The following MTHFD2L variants were observed in gnomAD, a reference collection of about 807,000 sequenced individuals.
MTHFD2L encodes the protein bifunctional methylenetetrahydrofolate dehydrogenase/cyclohydrolase 2, mitochondrial.
MTHFD2L carries 29 observed loss-of-function variants against 34.9 expected under a neutral mutation model. The observed-to-expected ratio is 0.83, with a 90% CI of 0.62 to 1.13. MTHFD2L has a LOEUF of 1.13. Among genes scored for constraint, MTHFD2L ranks in the 50% most tolerant of loss-of-function variants. MTHFD2L has a pLI of 0.00. For synonymous variants in MTHFD2L, 167 were observed against 155.7 expected (o/e 1.07, Z -0.54); for missense variants, 481 against 446.5 (o/e 1.08, Z -0.70).
chr4:74,247,963 C>T (rs1180834790), intron 6 of MTHFD2L, among the ~76,000 whole-genome samples: 2 of 151,974 alleles, frequency 1.3e-5, no homozygotes, highest in Non-Finnish European at 2.9e-5. Context: ...TGTCTCTGCC[C>T]GGCTTTGGTG....
intron 6 of MTHFD2L, among the ~76,000 whole-genome samples, chr4:74,257,880 C>A (rs1744222332): frequency 6.6e-6 from 1 of 151,986 alleles, no homozygotes; most frequent in Non-Finnish European, 1.5e-5. Flanking sequence ...AGCAAAAAGT[C>A]CACATACACA....
At chr4:74,182,115 G>T (rs959630249) in intron 3 of MTHFD2L, among the ~76,000 whole-genome samples, 1 of 151,918 alleles carries the variant, frequency 6.6e-6, no homozygotes, top group African/African-American at 2.4e-5. Flanking sequence ...CTTTGTTTTA[G>T]AATTTATATT....
intron 6 of MTHFD2L, among the ~76,000 whole-genome samples, chr4:74,235,892 A>C (rs954446939): frequency 8.5e-5 from 13 of 152,134 alleles, no homozygotes; most frequent in African/African-American, 3.1e-4. Context: ...GTAACATGAG[A>C]GAATGTATTT....
At position 74,300,853 on chromosome 4, in the gene MTHFD2L, A is replaced by G. The variant is rs117887427; in HGVS notation, c.932-844A>G. Among the ~76,000 whole-genome samples the G allele has an allele frequency of 1.6e-3, 243 of 152,204 alleles. 5 individuals carry two copies. In the East Asian group the frequency reaches 0.041, roughly 26 times the overall value. On this transcript the variant is annotated intron_variant, in intron 7 of 7. Transcript: ENST00000325278. ...CATACCTTAGTCTAGGCTACCATAA[A>G]CATGCTCAGAACACTTACATTAGCC...
intron 6 of MTHFD2L, among the ~76,000 whole-genome samples, chr4:74,231,893 TAAAG>T (rs891511834): frequency 6.6e-6 from 1 of 152,106 alleles, no homozygotes; most frequent in African/African-American, 2.4e-5. Context: ...TAATACCAAA[TAAAG>T]AATATTTAAC....
At chr4:74,208,661 C>T (rs558871600) in intron 5 of MTHFD2L, among the ~76,000 whole-genome samples, 5 of 152,122 alleles carry the variant, frequency 3.3e-5, no homozygotes, top group South Asian at 2.1e-4. Flanking sequence ...AGAAGGATTC[C>T]GGTTAACAGG....
intron 3 of MTHFD2L, among the ~76,000 whole-genome samples, chr4:74,179,045 A>G (rs1729600279): frequency 6.6e-6 from 1 of 152,068 alleles, no homozygotes; most frequent in African/African-American, 2.4e-5. Context: ...ATTGAATCCT[A>G]CAAACACCCT....
rs1425943092 is a variant in MTHFD2L, at chr4:74,172,362, T to C, written c.144-2144T>C. ...TATGACAATTATACTGAATAAATCT[T>C]TTACAGAAATAAGACAGCAGAACAA... On this transcript the variant is annotated intron_variant, in intron 1 of 7. Coordinates refer to ENST00000325278, the MANE Select transcript of MTHFD2L (RefSeq NM_001144978.3). 2.0e-5 allele frequency among the ~76,000 whole-genome samples: 3 copies of C among 152,208 alleles called. 1 individual carries two copies. The East Asian group carries it at 5.8e-4, about 29-fold the overall frequency.
intron 5 of MTHFD2L, 86 bp downstream of exon 5, chr4:74,201,456 TA>T: frequency 1.0e-6 from 1 of 967,694 alleles, no homozygotes; most frequent in East Asian, 2.5e-5. Context: ...TAATGCAGCT[TA>T]TTATATTTGT....
At chr4:74,238,090 CTAAT>C (rs1741119606) in intron 6 of MTHFD2L, among the ~76,000 whole-genome samples, 1 of 152,092 alleles carries the variant, frequency 6.6e-6, no homozygotes, top group African/African-American at 2.4e-5. Flanking sequence ...ATCAGCATAT[CTAAT>C]TAATACCTAG....
At chr4:74,152,079 T>A (rs1723974213) in intron 1 of MTHFD2L, among the ~76,000 whole-genome samples, 4 of 152,274 alleles carry the variant, frequency 2.6e-5, no homozygotes, top group Admixed American at 2.6e-4. Flanking sequence ...GTGGTAAAGT[T>A]TTTCCTTTTA....
At chr4:74,242,586 T>C (rs988049505) in intron 6 of MTHFD2L, among the ~76,000 whole-genome samples, 4 of 152,218 alleles carry the variant, frequency 2.6e-5, no homozygotes, top group Non-Finnish European at 5.9e-5. Flanking sequence ...ATAAACTAGC[T>C]GAATTAGGAT....
chr4:74,161,245 G>A (rs1725399091), intron 1 of MTHFD2L: 1 of 152,034 alleles, frequency 6.6e-6, no homozygotes, highest in African/African-American at 2.4e-5. Flanking sequence ...TTTTACCGTG[G>A]GTAGTTAAGT....
chr4:74,152,048 T>A (rs1385646999), intron 1 of MTHFD2L, among the ~76,000 whole-genome samples: 1 of 152,174 alleles, frequency 6.6e-6, no homozygotes, highest in African/African-American at 2.4e-5. Flanking sequence ...AATTAACCCA[T>A]CTTTGTATTA....
upstream of MTHFD2L, among the ~76,000 whole-genome samples, chr4:74,125,213 A>G (rs952448226): frequency 6.6e-6 from 1 of 152,156 alleles, no homozygotes; most frequent in Non-Finnish European, 1.5e-5. Context: ...TGATTAACCC[A>G]AGTAATATGA....
At chr4:74,157,822 C>T (rs1382895592), upstream of MTHFD2L, 2 of 549,938 alleles carry the variant, frequency 3.6e-6, no homozygotes, top group African/African-American at 3.7e-5. Context: ...CTTCTCTGTG[C>T]CGTCGCTATG....
At chr4:74,256,714 T>A (rs962147719) in intron 6 of MTHFD2L, among the ~76,000 whole-genome samples, 8 of 152,190 alleles carry the variant, frequency 5.3e-5, no homozygotes, top group African/African-American at 1.9e-4. Context: ...CAAATGATTG[T>A]CAGTGGGGAA....
chr4:74,290,583 A>G (rs1303941248), intron 7 of MTHFD2L, among the ~76,000 whole-genome samples: 1 of 152,222 alleles, frequency 6.6e-6, no homozygotes, highest in Non-Finnish European at 1.5e-5. Context: ...TGAAATAATC[A>G]CCTTACATAA....
At chr4:74,206,194 G>A (rs1017774233) in intron 5 of MTHFD2L, among the ~76,000 whole-genome samples, 4 of 152,044 alleles carry the variant, frequency 2.6e-5, no homozygotes, top group African/African-American at 4.8e-5. Context: ...TTGATTTGGG[G>A]CAGGGTGGTG....
Sources: allele counts gnomAD v4.1 joint callset (sites outside exome capture counted in the v4.1 genomes callset), GRCh38; gene constraint gnomAD v4.1.1; transcripts MANE v1.5; gene names NCBI Gene and HGNC (gene_info 2026-07-23, HGNC 2026-07-21).